The following OXR1 variants were observed in gnomAD, a reference collection of about 807,000 sequenced individuals.
The protein encoded by OXR1 is oxidation resistance protein 1.
OXR1 carries 41 observed loss-of-function variants against 104.6 expected under a neutral mutation model. The observed-to-expected ratio is 0.39, with a 90% CI of 0.31 to 0.51. The LOEUF (loss-of-function observed/expected upper bound fraction) is 0.51, where lower values mean the gene tolerates loss of function less well. OXR1 is among the 20% of genes least tolerant of loss of function. The probability of loss-of-function intolerance (pLI) is 0.77; values close to 1 mark genes in which losing one functional copy is unlikely to be tolerated. For synonymous variants in OXR1, 348 were observed against 348.4 expected, an observed-to-expected ratio of 1.00 and a Z score of 0.01; for missense variants, 955 against 1,031.9, an observed-to-expected ratio of 0.93 and a Z score of 1.02.
At chr8:106,543,652 C>G (rs1815129861) in intron 3 of OXR1, among the ~76,000 whole-genome samples, 2 of 152,098 alleles carry the variant, frequency 1.3e-5, no homozygotes, top group Admixed American at 1.3e-4. Context: ...GAATTATATG[C>G]CTACAAAGCT....
chr8:106,298,346 C>T (rs904350359), intron 1 of OXR1, among the ~76,000 whole-genome samples: 10 of 152,118 alleles, frequency 6.6e-5, no homozygotes, highest in African/African-American at 9.7e-5. Context: ...GGCAAGAGAA[C>T]GTGTGCCGGG....
intron 2 of OXR1, among the ~76,000 whole-genome samples, chr8:106,407,589 T>G (rs1396959272): frequency 6.6e-6 from 1 of 152,184 alleles, no homozygotes; most frequent in Middle Eastern, 3.2e-3. Context: ...GTTAAACAGT[T>G]TCCCCAAGAT....
rs546562755 is a variant in OXR1, at chr8:106,405,528, C to A, written c.23+45892C>A. 5.9e-5 allele frequency among the ~76,000 whole-genome samples: 9 copies of A among 152,228 alleles called. No individual in the cohort carries two copies. In the East Asian group the frequency reaches 1.5e-3, roughly 26 times the overall value. On this transcript the variant is annotated intron_variant, in intron 2 of 16. Coordinates refer to ENST00000517566, the MANE Select transcript of OXR1 (RefSeq NM_001198533.2). ...TGTGATTTGCTTCAGCCCACAAAAT[C>A]CAGCAGAAATAACTTTGTGCAAGTT...
chr8:106,281,067 G>A (rs1812259981), intron 1 of OXR1, among the ~76,000 whole-genome samples: 1 of 152,122 alleles, frequency 6.6e-6, no homozygotes, highest in African/African-American at 2.4e-5. Context: ...CATGTGAAAA[G>A]CCTTACACAA....
At chr8:106,404,242 T>C (rs919843742) in intron 2 of OXR1, among the ~76,000 whole-genome samples, 2 of 152,084 alleles carry the variant, frequency 1.3e-5, no homozygotes, top group African/African-American at 4.8e-5. Flanking sequence ...ATGGAGAAGC[T>C]TCTTCTACTG....
chr8:106,587,543 A>C (rs1318914650), intron 3 of OXR1, among the ~76,000 whole-genome samples: 5 of 152,218 alleles, frequency 3.3e-5, no homozygotes, highest in Non-Finnish European at 7.3e-5. Flanking sequence ...TATGGTTGTT[A>C]TTTTAAGGTG....
chr8:106,437,560 T>G (rs7812434), intron 2 of OXR1, among the ~76,000 whole-genome samples: 34,420 of 152,034 alleles, frequency 0.23, 5,419 homozygotes, highest in African/African-American at 0.42. Flanking sequence ...AGGAAGCATA[T>G]AAGCAGAAAG....
At chr8:106,333,615 C>G (rs1814828120) in intron 1 of OXR1, among the ~76,000 whole-genome samples, 1 of 152,016 alleles carries the variant, frequency 6.6e-6, no homozygotes, top group Admixed American at 6.6e-5. Context: ...AGTTTTAATT[C>G]TTACACTTAT....
chr8:106,391,538 G>C (rs1042930424), intron 2 of OXR1, among the ~76,000 whole-genome samples: 1 of 152,038 alleles, frequency 6.6e-6, no homozygotes, highest in African/African-American at 2.4e-5. Flanking sequence ...AACAAATAAA[G>C]ACACATGCTC....
intron 1 of OXR1, among the ~76,000 whole-genome samples, chr8:106,326,551 A>T (rs535048521): frequency 3.9e-4 from 59 of 152,372 alleles, no homozygotes; most frequent in African/African-American, 1.3e-3. Flanking sequence ...AATCTCAGCC[A>T]GAGATGTTTC....
intron 3 of OXR1, among the ~76,000 whole-genome samples, chr8:106,543,265 A>C (rs1473888590): frequency 6.6e-6 from 1 of 151,818 alleles, no homozygotes; most frequent in Non-Finnish European, 1.5e-5. Flanking sequence ...TTGTTTTTTC[A>C]TCCTTTTTTT....
intron 1 of OXR1, among the ~76,000 whole-genome samples, chr8:106,321,918 A>G (rs1814236147): frequency 1.3e-5 from 2 of 152,208 alleles, no homozygotes; most frequent in Non-Finnish European, 2.9e-5. Flanking sequence ...ATCTCTTAAT[A>G]CAACTTTATA....
chr8:106,663,808 C>T (rs191152002), intron 3 of OXR1, among the ~76,000 whole-genome samples: 11 of 152,306 alleles, frequency 7.2e-5, no homozygotes, highest in African/African-American at 1.9e-4. Context: ...CCATCTCTCT[C>T]CCCATCCCCC....
At chr8:106,597,220 G>C (rs74912266) in intron 3 of OXR1, among the ~76,000 whole-genome samples, 34 of 152,170 alleles carry the variant, frequency 2.2e-4, no homozygotes, top group Admixed American at 7.2e-4. Context: ...TGAGCCTTTG[G>C]GGGGGTGATT....
intron 3 of OXR1, among the ~76,000 whole-genome samples, chr8:106,635,168 G>A (rs749074977): frequency 1.4e-4 from 22 of 152,188 alleles, no homozygotes; most frequent in Non-Finnish European, 2.8e-4. Flanking sequence ...TTCACGAGGT[G>A]TGATAATGGT....
chr8:106,273,915 G>A (rs1413561331), intron 1 of OXR1, among the ~76,000 whole-genome samples: 1 of 152,182 alleles, frequency 6.6e-6, no homozygotes, highest in Admixed American at 6.5e-5. Flanking sequence ...CTATTCTGCT[G>A]TACTAATTTC....
intron 2 of OXR1, among the ~76,000 whole-genome samples, chr8:106,499,519 GT>G (rs1013405325): frequency 2.0e-5 from 3 of 152,190 alleles, no homozygotes; most frequent in Non-Finnish European, 2.9e-5. Context: ...TATTTAGAGG[GT>G]TTTTTTCCAT....
chr8:106,711,987 GAGAT>G (rs1326773386), intron 10 of OXR1, among the ~76,000 whole-genome samples: 28 of 152,004 alleles, frequency 1.8e-4, no homozygotes, highest in Admixed American at 1.8e-3. Context: ...CTGTCTTAAG[GAGAT>G]AGATAGACCT....
At chr8:106,534,246 G>A (rs1312126453) in intron 3 of OXR1, among the ~76,000 whole-genome samples, 1 of 152,180 alleles carries the variant, frequency 6.6e-6, no homozygotes, top group Non-Finnish European at 1.5e-5. Flanking sequence ...TAAAGAGCCT[G>A]AAGGCTTTCA....
Sources: allele counts gnomAD v4.1 joint callset (sites outside exome capture counted in the v4.1 genomes callset), GRCh38; gene constraint gnomAD v4.1.1; transcripts MANE v1.5; gene names NCBI Gene and HGNC (gene_info 2026-07-23, HGNC 2026-07-21).